TCF19: variants seen among roughly 807,000 people sequenced by gnomAD.
The protein encoded by TCF19 is transcription factor 19.
TCF19 carries 9 observed loss-of-function variants against 18.3 expected under a neutral mutation model. The ratio of observed to expected loss-of-function variants is 0.49; its 90% CI spans 0.30 to 0.86. TCF19 has a LOEUF of 0.86. Among genes scored for constraint, TCF19 ranks in the 40% least tolerant of loss-of-function variants. The pLI is 0.07. For missense variants in TCF19, 376 were observed against 464.3 expected (o/e 0.81, Z 1.75); for synonymous variants, 176 against 185.3 (o/e 0.95, Z 0.41).
chr6:31,160,879 G>A (rs1236645007), intron 2 of TCF19, among the ~76,000 whole-genome samples: 2 of 138,772 alleles, frequency 1.4e-5, no homozygotes, highest in African/African-American at 2.7e-5. Context: ...ACCTTAGGGC[G>A]GGGCACGGTG....
Position 31,162,374 on chromosome 6 carries a change from T to C in TCF19, c.798-103T>C. On this transcript the variant is annotated intron_variant, in intron 3 of 3. Transcript: ENST00000376257. The surrounding 1 kb of genome is among the most constrained non-coding windows in gnomAD (Gnocchi z 4.5). ...AGGCTCACCTTAGTTCTCAGACCAC[T>C]GTGCCTCTGTGGCCTCACCCTATGA... 2 of 1,467,722 alleles carry C rather than the reference T, an allele frequency of 1.4e-6. No individual in the cohort carries two copies. 90.9% of individuals were successfully genotyped at this position (1,467,722 alleles called of 1,614,324 possible).
Position 31,163,397 on chromosome 6 carries a change from A to C in TCF19, c.*680A>C. ...TGGAAAGGTGCAAATATATGGGTTG[A>C]GCTGGAGGTAGGAATACAGGTAATT... On this transcript the variant is annotated 3_prime_UTR_variant, in exon 4 of 4. Coordinates refer to ENST00000376257, the MANE Select transcript of TCF19 (RefSeq NM_007109.3). 1 of 985,602 alleles carries C rather than the reference A, an allele frequency of 1.0e-6. No individual in the cohort carries two copies. The highest frequency in any genetic ancestry group is 1.7e-5 in the African/African-American group (1 of 57,372). 61.1% of individuals were successfully genotyped at this position (985,602 alleles called of 1,614,324 possible). A position where few individuals can be genotyped will look rare whatever the true frequency, so the allele number is the denominator to read the frequency against.
Position 31,162,448 on chromosome 6 carries a change from G to T in TCF19, c.798-29G>T. ...AGGCCTTCTCCTACAGGTTTCCGGTGACCCTTGTGTCTGTGTCACTTCCTT... is the reference window on the plus strand; with the variant it reads ...AGGCCTTCTCCTACAGGTTTCCGGTTACCCTTGTGTCTGTGTCACTTCCTT... On this transcript the variant is annotated intron_variant, in intron 3 of 3. Transcript: ENST00000376257. The surrounding 1 kb of genome is among the most constrained non-coding windows in gnomAD (Gnocchi z 4.5). The T allele has an allele frequency of 6.3e-7, 1 of 1,582,400 alleles. No individual in the cohort carries two copies. Among genetic ancestry groups the T allele is most frequent in the South Asian group, 1.2e-5 (1 of 85,468 alleles).
rs1443665300 is a variant in TCF19, at chr6:31,163,728, G to A, written c.*1011G>A. 1 of 985,292 alleles carries A rather than the reference G, an allele frequency of 1.0e-6. No homozygotes were observed. Among genetic ancestry groups the A allele is most frequent in the Non-Finnish European group, 1.2e-6 (1 of 829,968 alleles). 61.0% of individuals were successfully genotyped at this position (985,292 alleles called of 1,614,324 possible). A position where few individuals can be genotyped will look rare whatever the true frequency, so the allele number is the denominator to read the frequency against. ...GAGCCTTACACCAAGCCAAACTATT[G>A]TCAAAGCATCATTTCTATAGAAATA... On this transcript the variant is annotated 3_prime_UTR_variant, in exon 4 of 4. Coordinates refer to ENST00000376257, the MANE Select transcript of TCF19 (RefSeq NM_007109.3).
In TCF19 at chr6:31,164,106, G is replaced by A; in HGVS notation, c.*1389G>A. 9.6e-7 allele frequency: 1 copy of A among 1,046,390 alleles called. No homozygotes were observed. The highest frequency in any genetic ancestry group is 1.2e-6 in the Non-Finnish European group (1 of 865,986). 64.8% of individuals were successfully genotyped at this position (1,046,390 alleles called of 1,614,324 possible). A position where few individuals can be genotyped will look rare whatever the true frequency, so the allele number is the denominator to read the frequency against. On this transcript the variant is annotated 3_prime_UTR_variant, in exon 4 of 4. Transcript: ENST00000376257. Reference sequence around the variant, plus strand: ...GAAAGCAAAAAGCCAGCTCTGAACAGGTAACAGCTACATGGTGACTGAGTC... The same window carrying A: ...GAAAGCAAAAAGCCAGCTCTGAACAAGTAACAGCTACATGGTGACTGAGTC...
In TCF19 at chr6:31,161,925, G is replaced by C. The variant is rs777902550; in HGVS notation, c.717G>C (p.Glu239Asp). Residue 239 changes from glutamate to aspartate, a missense_variant, in exon 3 of 4, where the codon GAG becomes GAC. Glu to Asp is a conservative substitution (Grantham distance 45, BLOSUM62 2). Coordinates refer to ENST00000376257, the MANE Select transcript of TCF19 (RefSeq NM_007109.3). The stretch of plus-strand genomic sequence containing the variant: ...TGGCGGAACTGGATGATGAGAGTGA[G>C]CCTCCTGAGAACCCGCCACCGGTCC... ...RVLAELDDES[E>D]PPENPPPVLM... 9.3e-6 allele frequency: 15 copies of C among 1,612,856 alleles called. No individual in the cohort carries two copies. Among genetic ancestry groups the C allele is most frequent in the Non-Finnish European group, 1.1e-5 (13 of 1,180,020 alleles).
chr6:31,159,071 A>G lies in TCF19; in HGVS notation c.-399A>G, dbSNP rs1230921329. 1 of 249,582 alleles carries G rather than the reference A, an allele frequency of 4.0e-6. No individual in the cohort carries two copies. The highest frequency in any genetic ancestry group is 2.2e-5 in the African/African-American group (1 of 44,492). The allele number at this position is 249,582 out of a possible 1,614,324, so 15.5% of individuals were successfully genotyped here. A position where few individuals can be genotyped will look rare whatever the true frequency, so the allele number is the denominator to read the frequency against. ...CGTATTGCACGTAGACGTGTGTATA[A>G]CAGGACCTCCTTCCCCGCGCCCCGC... On this transcript the variant is annotated 5_prime_UTR_variant, in exon 2 of 4. Coordinates refer to ENST00000376257, the MANE Select transcript of TCF19 (RefSeq NM_007109.3).
In TCF19 at chr6:31,162,799, C is replaced by G. The variant is rs1489848451; in HGVS notation, c.*82C>G. The G allele has an allele frequency of 1.3e-6, 2 of 1,529,346 alleles. No homozygotes were observed. The highest frequency in any genetic ancestry group is 1.7e-6 in the Non-Finnish European group (2 of 1,144,476). 94.7% of individuals were successfully genotyped at this position (1,529,346 alleles called of 1,614,324 possible). On this transcript the variant is annotated 3_prime_UTR_variant, in exon 4 of 4. Transcript: ENST00000376257. The surrounding 1 kb of genome is among the most constrained non-coding windows in gnomAD (Gnocchi z 4.5). The stretch of plus-strand genomic sequence containing the variant: ...GCAAATAGGTCTGATAAATACCCCC[C>G]TTCCCTTCCCTCCCCAGGAGGGAAT...
Position 31,163,628 on chromosome 6 carries a change from G to A in TCF19, c.*911G>A, listed in dbSNP as rs1776952960. On this transcript the variant is annotated 3_prime_UTR_variant, in exon 4 of 4. Coordinates refer to ENST00000376257, the MANE Select transcript of TCF19 (RefSeq NM_007109.3). ...CCACTCCACGGGTGGACACAGCAGA[G>A]GGCAACTGGGCTGGCCTGGTTCAGT... 2.0e-6 allele frequency: 2 copies of A among 985,350 alleles called. No individual in the cohort carries two copies. Among genetic ancestry groups the A allele is most frequent in the Admixed American group, 6.2e-5 (1 of 16,260 alleles). The allele number at this position is 985,350 out of a possible 1,614,324, so 61.0% of individuals were successfully genotyped here.
Position 31,161,998 on chromosome 6 carries a change from C to T in TCF19, c.790C>T (p.Pro264Ser). 1.2e-6 allele frequency: 2 copies of T among 1,607,200 alleles called. No homozygotes were observed. Among genetic ancestry groups the T allele is most frequent in the South Asian group, 1.1e-5 (1 of 90,498 alleles). The change falls in exon 3 of 4, where the codon CCC becomes TCC. Residue 264 changes from proline (P) to serine (S), a missense_variant. Pro to Ser is a moderately conservative substitution (Grantham distance 74). Coordinates refer to ENST00000376257, the MANE Select transcript of TCF19 (RefSeq NM_007109.3). Reference protein sequence around the residue: ...KLRVDKAPLTPTGNRRGRPRK... With the variant: ...KLRVDKAPLTSTGNRRGRPRK... Reference sequence around the variant, plus strand: ...CCGTGTAGACAAAGCCCCACTGACTCCCACTGGGTAAGTGGAGTCCTCACT... The same window carrying T: ...CCGTGTAGACAAAGCCCCACTGACTTCCACTGGGTAAGTGGAGTCCTCACT...
rs1334780661 is a variant in TCF19, at chr6:31,162,563, CTTG to C, written c.888_890del (p.Cys298del). The stretch of plus-strand genomic sequence containing the variant: ...GGGGGCGGGGAGCCCTGTGCAGCTC[CTTG>C]TTGCTGCCTGCCCCAGGAAGAGACA... On this transcript the variant is annotated inframe_deletion, in exon 4 of 4. Transcript: ENST00000376257. This position sits in a 1 kb window ranked among gnomAD's most constrained non-coding sequence, Gnocchi z 4.5. 2 of 1,612,816 alleles carry C rather than the reference CTTG, an allele frequency of 1.2e-6. No homozygotes were observed. The highest frequency in any genetic ancestry group is 1.7e-6 in the Non-Finnish European group (2 of 1,180,020).
rs1776488745 is a variant in TCF19 at position 31,158,702 on chromosome 6, C to G, written c.-594C>G. The G allele has an allele frequency of 6.6e-6, 1 of 152,330 alleles. No homozygotes were observed. 9.4% of individuals were successfully genotyped at this position (152,330 alleles called of 1,614,324 possible). On this transcript the variant is annotated 5_prime_UTR_variant, in exon 1 of 4. Transcript: ENST00000376257. ...CTGGCACTGCTTGAAGAGGAGGCTACTCGGAGACTGCGCCGCGCGGGTAGA... is the reference window on the plus strand; with the variant it reads ...CTGGCACTGCTTGAAGAGGAGGCTAGTCGGAGACTGCGCCGCGCGGGTAGA...
At position 31,162,016 on chromosome 6, in the gene TCF19, T is replaced by C; in HGVS notation, c.797+11T>C. 6.3e-7 allele frequency: 1 copy of C among 1,594,150 alleles called. No homozygotes were observed. The highest frequency in any genetic ancestry group is 8.6e-7 in the Non-Finnish European group (1 of 1,168,914). The stretch of plus-strand genomic sequence containing the variant: ...ACTGACTCCCACTGGGTAAGTGGAG[T>C]CCTCACTTGGCCCTCTCAGTGTTTT... On this transcript the variant is annotated intron_variant, in intron 3 of 3. Coordinates refer to ENST00000376257, the MANE Select transcript of TCF19 (RefSeq NM_007109.3). This position sits in a 1 kb window ranked among gnomAD's most constrained non-coding sequence, Gnocchi z 4.5.
Position 31,159,523 on chromosome 6 carries a change from C to T in TCF19, c.54C>T (p.Leu18=), listed in dbSNP as rs958622680. The change falls in exon 2 of 4, where the codon CTC becomes CTT. Residue 18 remains leucine, a synonymous_variant. Transcript: ENST00000376257. ...TAGGGGGCGGCAGGGGCGGTGATCT[C>T]TACACCTTCCACCCCCCCGCCGGGG... ...LRIGGGRGGD[L]YTFHPPAGAG... is the part of the protein sequence containing the mutation. The T allele has an allele frequency of 3.1e-6, 5 of 1,602,314 alleles. No individual in the cohort carries two copies. Among genetic ancestry groups the T allele is most frequent in the Non-Finnish European group, 4.3e-6 (5 of 1,175,032 alleles).
At chr6:31,159,813 G>A in intron 2 of TCF19, 106 bp downstream of exon 2, 2 of 1,150,498 alleles carry the variant, frequency 1.7e-6, no homozygotes, top group Non-Finnish European at 2.5e-6. Context: ...ACTCCCATCA[G>A]ATTGGATGGA....
At position 31,163,832 on chromosome 6, in the gene TCF19, A is replaced by C. The variant is rs3173358; in HGVS notation, c.*1115A>C. The C allele has an allele frequency of 5.1e-6, 5 of 984,790 alleles. No individual in the cohort carries two copies. Among genetic ancestry groups the C allele is most frequent in the Non-Finnish European group, 6.0e-6 (5 of 829,720 alleles). The allele number at this position is 984,790 out of a possible 1,614,324, so 61.0% of individuals were successfully genotyped here. A position where few individuals can be genotyped will look rare whatever the true frequency, so the allele number is the denominator to read the frequency against. ...CTAGATTTAATGAGCCCAAGTTTTT[A>C]AAATGGAAGAAATGACTCTGGGGCA... On this transcript the variant is annotated 3_prime_UTR_variant, in exon 4 of 4. Transcript: ENST00000376257.
Position 31,159,199 on chromosome 6 carries a change from T to C in TCF19, c.-271T>C, listed in dbSNP as rs890459898. ...AGGATCCAGCTCAAGTGAGGTGCCA[T>C]AGGACGTGTTCCTGAGTTTGCATTG... On this transcript the variant is annotated 5_prime_UTR_variant, in exon 2 of 4. Coordinates refer to ENST00000376257, the MANE Select transcript of TCF19 (RefSeq NM_007109.3). The C allele has an allele frequency of 6.4e-6, 3 of 471,846 alleles. No homozygotes were observed. Among genetic ancestry groups the C allele is most frequent in the South Asian group, 4.0e-5 (1 of 25,104 alleles). 29.2% of individuals were successfully genotyped at this position (471,846 alleles called of 1,614,324 possible). A position where few individuals can be genotyped will look rare whatever the true frequency, so the allele number is the denominator to read the frequency against.
chr6:31,159,969 CA>C (rs1776652829), intron 2 of TCF19, among the ~76,000 whole-genome samples: 1 of 152,206 alleles, frequency 6.6e-6, no homozygotes, highest in African/African-American at 2.4e-5. Context: ...GTTCTGAGGC[CA>C]CTAGAGGCCA....
chr6:31,163,508 G>C lies in TCF19; in HGVS notation c.*791G>C. On this transcript the variant is annotated 3_prime_UTR_variant, in exon 4 of 4. Coordinates refer to ENST00000376257, the MANE Select transcript of TCF19 (RefSeq NM_007109.3). The stretch of plus-strand genomic sequence containing the variant: ...GGTTAAGTTCACAAAGATAGCAGAA[G>C]ATTTATTTACAGGCTTCACCTGTAC... 1.0e-6 allele frequency: 1 copy of C among 985,460 alleles called. No individual in the cohort carries two copies. The allele number at this position is 985,460 out of a possible 1,614,324, so 61.0% of individuals were successfully genotyped here.
Sources: gnomAD v4.1 joint callset for allele counts (sites outside exome capture counted in the v4.1 genomes callset) on GRCh38, gnomAD v4.1.1 for gene constraint, Gnocchi (gnomAD v3.1) non-coding constraint, MANE v1.5 for transcripts, NCBI Gene and HGNC (gene_info 2026-07-23, HGNC 2026-07-21) for gene names.